C17orf113: variants seen among roughly 807,000 people sequenced by gnomAD.
C17orf113 encodes the protein chromosome 17 open reading frame 113.
A neutral mutation model predicts 11.6 loss-of-function variants in C17orf113; 5 were observed. The observed-to-expected ratio is 0.43, with a 90% CI of 0.23 to 0.91. C17orf113 has a LOEUF of 0.91. Among genes scored for constraint, C17orf113 ranks in the 40% least tolerant of loss-of-function variants. The pLI, the probability that C17orf113 is intolerant of heterozygous loss-of-function variation, is 0.26. For missense variants in C17orf113, 714 were observed against 841.3 expected (o/e 0.85, Z 1.87); for synonymous variants, 327 against 390.6 (o/e 0.84, Z 1.92).
rs949461460 is a variant in C17orf113 at position 42,041,037 on chromosome 17, G to A, written c.696C>T (p.Pro232=). Residue 232 remains proline, a synonymous_variant, in exon 3 of 3, where the codon CCC becomes CCT. Coordinates refer to ENST00000587304, the MANE Select transcript of C17orf113 (RefSeq NM_001358661.2). The part of the protein sequence containing the change: ...ATSVSPCDGQ[P]ATTFLGSVEL... Reference sequence around the variant, plus strand: ...CCACACTGCCCAGGAAGGTGGTGGCGGGCTGGCCATCACAGGGGGACACTG... The same window carrying A: ...CCACACTGCCCAGGAAGGTGGTGGCAGGCTGGCCATCACAGGGGGACACTG... The A allele has an allele frequency of 3.3e-5, 41 of 1,232,208 alleles. No individual in the cohort carries two copies. Among genetic ancestry groups the A allele is most frequent in the South Asian group, 4.1e-5 (1 of 24,326 alleles). 76.3% of individuals were successfully genotyped at this position (1,232,208 alleles called of 1,614,324 possible). A position where few individuals can be genotyped will look rare whatever the true frequency, so the allele number is the denominator to read the frequency against.
intron 1 of C17orf113, among the ~76,000 whole-genome samples, chr17:42,047,515 CAT>C (rs1479853322): frequency 6.6e-6 from 1 of 151,996 alleles, no homozygotes; most frequent in Non-Finnish European, 1.5e-5. Context: ...GTCCACTTGA[CAT>C]GTATACCAGT....
At position 42,040,238 on chromosome 17, in the gene C17orf113, G is replaced by C; in HGVS notation, c.1495C>G (p.Arg499Gly). ...WLRGSFLDSM[R>G]KGLQDSYPGP... ...GGGTAGGAGTCCTGTAGGCCCTTCC[G>C]CATGGAGTCCAGGAAGGATCCCCGG... The change falls in exon 3 of 3, where the codon CGG becomes GGG. Residue 499 changes from arginine (R) to glycine (G), a missense_variant. By Grantham distance (125) the Arg-to-Gly change is moderately radical (BLOSUM62 -2). This residue lies in a region of C17orf113 where 516 missense variants were observed against 626.6 expected (regional missense o/e 0.82). Transcript: ENST00000587304. The C allele has an allele frequency of 8.1e-7, 1 of 1,231,582 alleles. No homozygotes were observed. Among genetic ancestry groups the C allele is most frequent in the Non-Finnish European group, 1.0e-6 (1 of 987,830 alleles). The allele number at this position is 1,231,582 out of a possible 1,614,324, so 76.3% of individuals were successfully genotyped here. A position where few individuals can be genotyped will look rare whatever the true frequency, so the allele number is the denominator to read the frequency against.
intron 2 of C17orf113, among the ~76,000 whole-genome samples, chr17:42,041,726 T>C (rs2053027117): frequency 2.0e-5 from 3 of 152,144 alleles, no homozygotes; most frequent in African/African-American, 4.8e-5. Flanking sequence ...CCCAGCTGTG[T>C]GCTGTTTCTC....
chr17:42,047,402 C>T (rs951633151), intron 1 of C17orf113, among the ~76,000 whole-genome samples: 20 of 151,732 alleles, frequency 1.3e-4, no homozygotes, highest in Non-Finnish European at 2.4e-4. Flanking sequence ...CTCGAACTCC[C>T]GACCTCAGAT....
intron 2 of C17orf113, among the ~76,000 whole-genome samples, chr17:42,042,215 AAAAAACC>A (rs1189774364): frequency 1.6e-4 from 24 of 152,032 alleles, no homozygotes; most frequent in African/African-American, 4.6e-4. Flanking sequence ...CTATGTTTAA[AAAAAACC>A]AAAAAACAAA....
rs1302995143 is a variant in C17orf113 at position 42,038,534 on chromosome 17, T to C, written c.*1171A>G. The C allele has an allele frequency of 6.5e-6, 1 of 153,266 alleles. No homozygotes were observed. Among genetic ancestry groups the C allele is most frequent in the Non-Finnish European group, 1.4e-5 (1 of 68,992 alleles). The allele number at this position is 153,266 out of a possible 1,614,324, so 9.5% of individuals were successfully genotyped here. On this transcript the variant is annotated 3_prime_UTR_variant, in exon 3 of 3. Coordinates refer to ENST00000587304, the MANE Select transcript of C17orf113 (RefSeq NM_001358661.2). ...AGCACTGTGGTTTTGCAGTCTTTGGTCTTAAAGGTCTGAGGCAAGGGCAGG... is the reference window on the plus strand; with the variant it reads ...AGCACTGTGGTTTTGCAGTCTTTGGCCTTAAAGGTCTGAGGCAAGGGCAGG...
chr17:42,039,724 A>G lies in C17orf113; in HGVS notation c.2009T>C (p.Leu670Pro). ...FLESGWGEGF[L>P]GSQLT ...CCACCCTCAGGTGAGCTGCGACCCCAGGAAGCCCTCTCCCCACCCACTCTC... is the reference window on the plus strand; with the variant it reads ...CCACCCTCAGGTGAGCTGCGACCCCGGGAAGCCCTCTCCCCACCCACTCTC... Residue 670 changes from leucine (L) to proline (P), a missense_variant, in exon 3 of 3, where the codon CTG (leucine) becomes CCG (proline). Around this residue, in one of 3 missense-constraint regions of C17orf113, gnomAD observed 194 missense variants for 197.2 expected, o/e 0.98. Coordinates refer to ENST00000587304, the MANE Select transcript of C17orf113 (RefSeq NM_001358661.2). 1 of 1,232,518 alleles carries G rather than the reference A, an allele frequency of 8.1e-7. No homozygotes were observed. The highest frequency in any genetic ancestry group is 1.0e-6 in the Non-Finnish European group (1 of 988,236). The allele number at this position is 1,232,518 out of a possible 1,614,324, so 76.3% of individuals were successfully genotyped here.
intron 2 of C17orf113, among the ~76,000 whole-genome samples, chr17:42,041,689 C>A (rs1272295292): frequency 1.3e-5 from 2 of 152,174 alleles, no homozygotes; most frequent in African/African-American, 4.8e-5. Context: ...CACACTCACT[C>A]CCAACTCCCA....
chr17:42,042,818 TC>T lies in C17orf113; in HGVS notation c.543+15del. On this transcript the variant is annotated intron_variant, in intron 2 of 2. Transcript: ENST00000587304. ...CCTTCCCAAGCCCTTCCCCCATACT[TC>T]TGGCTGTCACCCACCTGCATGTCCC... 8.1e-7 allele frequency: 1 copy of T among 1,232,138 alleles called. No individual in the cohort carries two copies. Among genetic ancestry groups the T allele is most frequent in the Non-Finnish European group, 1.0e-6 (1 of 988,052 alleles). 76.3% of individuals were successfully genotyped at this position (1,232,138 alleles called of 1,614,324 possible). A position where few individuals can be genotyped will look rare whatever the true frequency, so the allele number is the denominator to read the frequency against.
chr17:42,040,692 T>C lies in C17orf113; in HGVS notation c.1041A>G (p.Ala347=), dbSNP rs1189798861. 3.2e-6 allele frequency: 4 copies of C among 1,232,152 alleles called. No homozygotes were observed. In the African/African-American group the frequency reaches 6.2e-5, roughly 19 times the overall value. The allele number at this position is 1,232,152 out of a possible 1,614,324, so 76.3% of individuals were successfully genotyped here. ...AGGCCCAGGGCACTGGCCGAGGCCC[T>C]GCCAAGTCAATAGCTGCAAGGTCCA... ...AALDLAAIDL[A]GPRPVPWASL... The change falls in exon 3 of 3, where the codon GCA becomes GCG. Residue 347 remains alanine, a synonymous_variant. Transcript: ENST00000587304.
chr17:42,044,307 CAAAAAAAA>C (rs57246793), intron 1 of C17orf113, among the ~76,000 whole-genome samples: 2 of 70,546 alleles, frequency 2.8e-5, no homozygotes, highest in Admixed American at 3.2e-4. Flanking sequence ...GACCCTGTCT[CAAAAAAAA>C]AAAAAAAAAA....
At chr17:42,041,511 T>C (rs2053021022) in intron 2 of C17orf113, among the ~76,000 whole-genome samples, 2 of 152,190 alleles carry the variant, frequency 1.3e-5, no homozygotes, top group Admixed American at 1.3e-4. Flanking sequence ...TCTCAAAGCT[T>C]GTTGTGAATT....
Position 42,043,076 on chromosome 17 carries a change from G to A in C17orf113, c.301C>T (p.Gln101Ter). Residue 101 changes from glutamine (Q) to a stop codon, truncating the protein, a stop_gained, in exon 2 of 3, where the codon CAG (glutamine) becomes TAG (stop). Transcript: ENST00000587304. LOFTEE classifies it high-confidence loss of function. Reference protein sequence around the residue: ...VNQGQPPFEGQAEGGGACPGL... With the variant: ...VNQGQPPFEG ...GGGCAGGCCCCTCCACCTTCAGCCT[G>A]GCCCTCAAAAGGGGGCTGGCCCTGG... is the stretch of plus-strand genomic sequence containing the variant. 8.1e-7 allele frequency: 1 copy of A among 1,232,200 alleles called. No individual in the cohort carries two copies. The highest frequency in any genetic ancestry group is 1.0e-6 in the Non-Finnish European group (1 of 987,994). 76.3% of individuals were successfully genotyped at this position (1,232,200 alleles called of 1,614,324 possible).
rs963657354 is a variant in C17orf113 at position 42,041,183 on chromosome 17, T to C, written c.550A>G (p.Ile184Val). The C allele has an allele frequency of 1.6e-6, 2 of 1,232,450 alleles. No individual in the cohort carries two copies. The highest frequency in any genetic ancestry group is 2.0e-6 in the Non-Finnish European group (2 of 988,186). The allele number at this position is 1,232,450 out of a possible 1,614,324, so 76.3% of individuals were successfully genotyped here. Residue 184 changes from isoleucine (I) to valine (V), a missense_variant, in exon 3 of 3, where the codon ATT becomes GTT. Ile to Val is a conservative substitution (Grantham distance 29). Around this residue, in one of 3 missense-constraint regions of C17orf113, gnomAD observed 516 missense variants for 626.6 expected, o/e 0.82. Transcript: ENST00000587304. The stretch of plus-strand genomic sequence containing the variant: ...GCCTCTGTGTGCAAGACACTGGCAA[T>C]GGCCACCTGGGACAGCCAGGGAAAG... ...PRRVRDMQVA[I>V]ASVLHTEACQ...
In C17orf113 at chr17:42,040,851, C is replaced by T. The variant is rs1279640634; in HGVS notation, c.882G>A (p.Glu294=). The T allele has an allele frequency of 3.2e-6, 4 of 1,232,352 alleles. No individual in the cohort carries two copies. The East Asian group carries it at 9.5e-5, about 29-fold the overall frequency. The allele number at this position is 1,232,352 out of a possible 1,614,324, so 76.3% of individuals were successfully genotyped here. A position where few individuals can be genotyped will look rare whatever the true frequency, so the allele number is the denominator to read the frequency against. ...CTGTCCGGCCAGGGAGACAATGCAG[C>T]TCTGCCAGCAGTGGGCAAGTGGCCC... is the stretch of plus-strand genomic sequence containing the variant. ...QLRATCPLLA[E]LHCLPGRTDP... Residue 294 remains glutamate, a synonymous_variant, in exon 3 of 3, where the codon GAG becomes GAA. Coordinates refer to ENST00000587304, the MANE Select transcript of C17orf113 (RefSeq NM_001358661.2).
At chr17:42,044,285 G>A (rs1289722548) in intron 1 of C17orf113, among the ~76,000 whole-genome samples, 4 of 137,746 alleles carry the variant, frequency 2.9e-5, no homozygotes, top group African/African-American at 1.1e-4. Context: ...TCCAGACTGG[G>A]TAATAGAGCT....
chr17:42,043,955 C>T (rs1555656365), intron 1 of C17orf113, among the ~76,000 whole-genome samples: 1 of 151,868 alleles, frequency 6.6e-6, no homozygotes, highest in Non-Finnish European at 1.5e-5. Context: ...AGGACTAAAA[C>T]TCAGAACTCT....
At chr17:42,041,588 T>C (rs2053023476) in intron 2 of C17orf113, among the ~76,000 whole-genome samples, 1 of 152,102 alleles carries the variant, frequency 6.6e-6, no homozygotes, top group Non-Finnish European at 1.5e-5. Context: ...GAAAGCTAGT[T>C]TTTTCACTGT....
intron 2 of C17orf113, among the ~76,000 whole-genome samples, chr17:42,042,184 C>T (rs2053038303): frequency 6.6e-6 from 1 of 151,716 alleles, no homozygotes; most frequent in South Asian, 2.1e-4. Flanking sequence ...CCAGCCTGGG[C>T]AACATAATGA....
Sources: allele counts gnomAD v4.1 joint callset (sites outside exome capture counted in the v4.1 genomes callset), GRCh38; gene constraint gnomAD v4.1.1; regional missense constraint gnomAD v4.1.1; transcripts MANE v1.5; gene names NCBI Gene and HGNC (gene_info 2026-07-23, HGNC 2026-07-21).